ADCK2: variants seen among roughly 807,000 people sequenced by gnomAD.
ADCK2 encodes aarF domain containing kinase 2, also known as uncharacterized aarF domain-containing protein kinase 2.
ADCK2 carries 37 observed loss-of-function variants against 52.3 expected under a neutral mutation model. The observed-to-expected ratio is 0.71, with a 90% CI of 0.54 to 0.93. The LOEUF (loss-of-function observed/expected upper bound fraction) is 0.93, where lower values mean the gene tolerates loss of function less well. ADCK2 is among the 40% of genes least tolerant of loss of function. The pLI, the probability that ADCK2 is intolerant of heterozygous loss-of-function variation, is 0.00. For synonymous variants in ADCK2, 321 were observed against 349.2 expected (o/e 0.92, Z 0.90); for missense variants, 695 against 798.7 (o/e 0.87, Z 1.56).
In ADCK2 at chr7:140,674,441, A is replaced by C. The variant is rs1431180242; in HGVS notation, c.934-170A>C. On this transcript the variant is annotated intron_variant, in intron 1 of 7. Transcript: ENST00000072869. This position sits in a 1 kb window ranked among gnomAD's most constrained non-coding sequence, Gnocchi z 4.6. The stretch of plus-strand genomic sequence containing the variant: ...AGTGGCGGTGTGAATAGTCTGATAG[A>C]GGAAAATGAACTGAGTCTGGAGTGA... 9.0e-7 allele frequency: 1 copy of C among 1,105,698 alleles called. No individual in the cohort carries two copies. The highest frequency in any genetic ancestry group is 1.3e-6 in the Non-Finnish European group (1 of 796,884). The allele number at this position is 1,105,698 out of a possible 1,614,324, so 68.5% of individuals were successfully genotyped here.
intron 2 of ADCK2, among the ~76,000 whole-genome samples, chr7:140,677,272 G>T (rs1794436093): frequency 6.6e-6 from 1 of 152,082 alleles, no homozygotes; most frequent in African/African-American, 2.4e-5. Context: ...GCCGGGCATG[G>T]TGGCACACGC....
At position 140,680,454 on chromosome 7, in the gene ADCK2, A is replaced by AT. The variant is rs764772839; in HGVS notation, c.1210-573dup. ...ACGTGTTAGCCACCACACCTGGGTAATTTTTTTTTTTTTTTGTAGAGATGG... is the reference window on the plus strand; with the variant it reads ...ACGTGTTAGCCACCACACCTGGGTAATTTTTTTTTTTTTTTTGTAGAGATGG... On this transcript the variant is annotated intron_variant, in intron 3 of 7. Coordinates refer to ENST00000072869, the MANE Select transcript of ADCK2 (RefSeq NM_052853.4). Among the ~76,000 whole-genome samples, 944 of 143,034 alleles carry AT rather than the reference A, an allele frequency of 6.6e-3. 3 individuals are homozygous for AT. Among genetic ancestry groups the AT allele is most frequent in the Admixed American group, 0.017 (243 of 14,324 alleles). The allele number at this position is 143,034 out of a possible 152,430, so 93.8% of individuals were successfully genotyped here.
At chr7:140,686,893 G>A (rs1794612286) in intron 4 of ADCK2, 97 bp from the exon 5 acceptor site, 2 of 1,507,522 alleles carry the variant, frequency 1.3e-6, no homozygotes, top group Non-Finnish European at 9.0e-7. Context: ...CTGTGATAGA[G>A]TGCTGGGAGC....
In ADCK2 at chr7:140,674,395, C is replaced by T; in HGVS notation, c.933+132C>T. Reference sequence around the variant, plus strand: ...TATCTGAGTGCTTATTTCATGCAAGCTGTTTCATTTATTGGCTTGAAGTGG... The same window carrying T: ...TATCTGAGTGCTTATTTCATGCAAGTTGTTTCATTTATTGGCTTGAAGTGG... On this transcript the variant is annotated intron_variant, in intron 1 of 7. Transcript: ENST00000072869. The surrounding 1 kb of genome is among the most constrained non-coding windows in gnomAD (Gnocchi z 4.6). 8.6e-7 allele frequency: 1 copy of T among 1,167,730 alleles called. No individual in the cohort carries two copies. The highest frequency in any genetic ancestry group is 2.5e-5 in the East Asian group (1 of 39,356). 72.3% of individuals were successfully genotyped at this position (1,167,730 alleles called of 1,614,324 possible).
chr7:140,679,247 C>T lies in ADCK2; in HGVS notation c.1173C>T (p.Pro391=). Reference sequence around the variant, plus strand: ...TCAAGTTCCCCACCCCTCTGCGCCCCTTTGTCACCAGAGAAGTCTTGGTGG... The same window carrying T: ...TCAAGTTCCCCACCCCTCTGCGCCCTTTTGTCACCAGAGAAGTCTTGGTGG... ...KAVKFPTPLR[P]FVTREVLVET... The change falls in exon 3 of 8, where the codon CCC becomes CCT. Residue 391 remains proline (P), a synonymous_variant. Transcript: ENST00000072869. The T allele has an allele frequency of 6.2e-7, 1 of 1,614,104 alleles. No individual in the cohort carries two copies. Among genetic ancestry groups the T allele is most frequent in the Non-Finnish European group, 8.5e-7 (1 of 1,180,008 alleles).
At chr7:140,687,541 C>T (rs1341140298) in intron 5 of ADCK2, among the ~76,000 whole-genome samples, 1 of 152,072 alleles carries the variant, frequency 6.6e-6, no homozygotes, top group African/African-American at 2.4e-5. Context: ...ACGGTGAAAT[C>T]CTGTCTCTAC....
At chr7:140,675,907 C>G (rs1394241837) in intron 2 of ADCK2, among the ~76,000 whole-genome samples, 1 of 152,120 alleles carries the variant, frequency 6.6e-6, no homozygotes, top group African/African-American at 2.4e-5. Flanking sequence ...GGTCGGGGCT[C>G]CACTTAGGTA....
chr7:140,686,956 C>T (rs781218349), intron 4 of ADCK2, 34 bp from the exon 5 acceptor site: 36 of 1,600,604 alleles, frequency 2.2e-5, no homozygotes, highest in Admixed American at 3.3e-5. Flanking sequence ...GCTCTAGGGG[C>T]GACTCACTCA....
rs1272287641 is a variant in ADCK2 at position 140,687,210 on chromosome 7, G to T, written c.1526G>T (p.Arg509Leu). ...CAGGCCCCTGACCTGAGGAATTTCC[G>T]GGCAGTTTTCATGGCTGTGGTGATG... ...ELQAPDLRNFRAVFMAVVMGQ... is the reference protein window; with the variant it reads ...ELQAPDLRNFLAVFMAVVMGQ... Residue 509 changes from arginine to leucine, a missense_variant, in exon 5 of 8, where the codon CGG becomes CTG. Arg to Leu is a moderately radical substitution (Grantham distance 102, BLOSUM62 -2). Transcript: ENST00000072869. The T allele has an allele frequency of 1.3e-6, 2 of 1,578,412 alleles. No homozygotes were observed. Among genetic ancestry groups the T allele is most frequent in the Non-Finnish European group, 1.7e-6 (2 of 1,160,488 alleles).
chr7:140,680,343 G>A (rs1794495342), intron 3 of ADCK2, among the ~76,000 whole-genome samples: 1 of 151,838 alleles, frequency 6.6e-6, no homozygotes, highest in Admixed American at 6.6e-5. Context: ...TGTAGAGCCT[G>A]GGTTTCTCCC....
intron 7 of ADCK2, 147 bp downstream of exon 7, chr7:140,690,960 C>T (rs952878059): frequency 1.3e-6 from 1 of 774,746 alleles, no homozygotes; most frequent in Non-Finnish European, 2.1e-6. Flanking sequence ...GAGTCTCACT[C>T]TGTCGCCCAG....
At chr7:140,688,216 G>C (rs529319866) in intron 5 of ADCK2, among the ~76,000 whole-genome samples, 1 of 152,140 alleles carries the variant, frequency 6.6e-6, no homozygotes, top group South Asian at 2.1e-4. Flanking sequence ...GCCACTTTTT[G>C]TATTTTTAGT....
rs747200061 is a variant in ADCK2 at position 140,681,001 on chromosome 7, C to T, written c.1210-41C>T. 1.9e-6 allele frequency: 3 copies of T among 1,589,476 alleles called. No individual in the cohort carries two copies. The East Asian group carries it at 6.7e-5, about 36-fold the overall frequency. ...TGGGAGGAGGAGCCAGCATCACAGG[C>T]TGGCTGGGATTAAGCTGTTCTCTCC... On this transcript the variant is annotated intron_variant, in intron 3 of 7. Transcript: ENST00000072869.
chr7:140,675,736 A>G (rs1221006214), intron 2 of ADCK2, among the ~76,000 whole-genome samples: 1 of 152,258 alleles, frequency 6.6e-6, no homozygotes, highest in East Asian at 1.9e-4. Context: ...TATTTCTGCC[A>G]TAATCAATGA....
intron 5 of ADCK2, 117 bp downstream of exon 5, chr7:140,687,358 T>C (rs929249213): frequency 2.2e-6 from 3 of 1,376,418 alleles, no homozygotes; most frequent in Non-Finnish European, 1.9e-6. Flanking sequence ...GCGGGGAGGA[T>C]TGCTTGAGCC....
intron 4 of ADCK2, among the ~76,000 whole-genome samples, chr7:140,685,252 T>C (rs1794585896): frequency 6.6e-6 from 1 of 151,974 alleles, no homozygotes; most frequent in Non-Finnish European, 1.5e-5. Context: ...AGTCTGAGAC[T>C]AGCCTGGCCA....
At chr7:140,676,915 CA>C (rs1259161652) in intron 2 of ADCK2, among the ~76,000 whole-genome samples, 1 of 152,048 alleles carries the variant, frequency 6.6e-6, no homozygotes, top group Non-Finnish European at 1.5e-5. Context: ...CCCAGCTACT[CA>C]GGAGGCTGAG....
chr7:140,673,874 A>C lies in ADCK2; in HGVS notation c.544A>C (p.Thr182Pro), dbSNP rs766131767. ...VRVTPHPWTH[T>P]ERFLRQAFGD... ...AGTGACGCCCCACCCGTGGACTCAC[A>C]CTGAGCGCTTCCTTCGGCAGGCTTT... is the stretch of plus-strand genomic sequence containing the variant. The change falls in exon 1 of 8, where the codon ACT becomes CCT. Residue 182 changes from threonine (T) to proline (P), a missense_variant. Thr to Pro is a conservative substitution (Grantham distance 38). Coordinates refer to ENST00000072869, the MANE Select transcript of ADCK2 (RefSeq NM_052853.4). This position sits in a 1 kb window ranked among gnomAD's most constrained non-coding sequence, Gnocchi z 6.4. 10 of 1,613,932 alleles carry C rather than the reference A, an allele frequency of 6.2e-6. No homozygotes were observed. The South Asian group carries it at 9.9e-5, about 16-fold the overall frequency.
intron 3 of ADCK2, 141 bp downstream of exon 3, chr7:140,679,424 C>T (rs1794478101): frequency 7.8e-7 from 1 of 1,281,844 alleles, no homozygotes. Flanking sequence ...ATGTGTTGGC[C>T]TCGGCGGGAG....
Sources: allele counts gnomAD v4.1 joint callset (sites outside exome capture counted in the v4.1 genomes callset), GRCh38; gene constraint gnomAD v4.1.1; non-coding constraint Gnocchi (gnomAD v3.1); transcripts MANE v1.5; gene names NCBI Gene and HGNC (gene_info 2026-07-23, HGNC 2026-07-21).